Variants in MED27 observed in about 807,000 individuals in gnomAD.
The protein encoded by MED27 is mediator of RNA polymerase II transcription subunit 27.
A neutral mutation model predicts 38.2 loss-of-function variants in MED27; 30 were observed. The ratio of observed to expected loss-of-function variants is 0.79; its 90% CI spans 0.59 to 1.07. The LOEUF (loss-of-function observed/expected upper bound fraction) is 1.07. MED27 is among the 50% of genes least tolerant of loss of function. The pLI is 0.00. For missense variants in MED27, 289 were observed against 397.5 expected, an observed-to-expected ratio of 0.73 and a Z score of 2.32; for synonymous variants, 122 against 153.5, an observed-to-expected ratio of 0.79 and a Z score of 1.52.
At chr9:131,940,277 A>G (rs961567475) in intron 3 of MED27, among the ~76,000 whole-genome samples, 13 of 152,038 alleles carry the variant, frequency 8.6e-5, no homozygotes, top group Admixed American at 3.3e-4. Context: ...TTATATCACA[A>G]TTTTTACTTA....
rs200458371 is a variant in MED27 at position 131,893,895 on chromosome 9, T to G, written c.671A>C (p.Glu224Ala). 6.2e-7 allele frequency: 1 copy of G among 1,613,186 alleles called. No individual in the cohort carries two copies. Among genetic ancestry groups the G allele is most frequent in the African/African-American group, 1.3e-5 (1 of 74,924 alleles). The change falls in exon 5 of 8, where the codon GAA becomes GCA. Residue 224 changes from glutamate to alanine, a missense_variant. Glu to Ala is a moderately radical substitution (Grantham distance 107). Coordinates refer to ENST00000292035, the MANE Select transcript of MED27 (RefSeq NM_004269.4). ...VKGYNENVYT[E>A]DGKLDIWSKS... is the part of the protein sequence containing the mutation. ...CTGCACAATGCTTACCTTGCCATCT[T>G]CTGTGTAGACATTCTCGTTATATCC...
rs764928066 is a variant in MED27, at chr9:132,077,458, T to C, written c.332A>G (p.Tyr111Cys). Residue 111 changes from tyrosine to cysteine, a missense_variant, in exon 2 of 8, where the codon TAT (tyrosine) becomes TGT (cysteine). By Grantham distance (194) the Tyr-to-Cys change is radical. Coordinates refer to ENST00000292035, the MANE Select transcript of MED27 (RefSeq NM_004269.4). ...TPLYSQLLQA[Y>C]KWSNKLQYHA... ...CTCCCTTACCTTGTTTGACCACTTA[T>C]ATGCTTGAAGGAGTTGACTATAGAG... is the stretch of plus-strand genomic sequence containing the variant. 5 of 1,614,036 alleles carry C rather than the reference T, an allele frequency of 3.1e-6. No individual in the cohort carries two copies. Among genetic ancestry groups the C allele is most frequent in the South Asian group, 1.1e-5 (1 of 91,040 alleles).
rs190423103 is a variant in MED27 at position 131,861,307 on chromosome 9, C to T, written c.802-635G>A. Among the ~76,000 whole-genome samples the T allele has an allele frequency of 2.1e-3, 316 of 152,220 alleles. 5 individuals are homozygous for T. The highest frequency in any genetic ancestry group is 2.5e-4 in the Non-Finnish European group (17 of 68,020). On this transcript the variant is annotated intron_variant, in intron 7 of 7. Coordinates refer to ENST00000292035, the MANE Select transcript of MED27 (RefSeq NM_004269.4). The surrounding 1 kb of genome is among the most constrained non-coding windows in gnomAD (Gnocchi z 4.4). ...GGGCGTCATACATAAGGATGAGCCT[C>T]CCGTAACTCAATTCTCAAACACAAG...
chr9:132,029,704 C>T (rs1313851671), intron 2 of MED27, among the ~76,000 whole-genome samples: 1 of 152,056 alleles, frequency 6.6e-6, no homozygotes, highest in Non-Finnish European at 1.5e-5. Context: ...GAAGACAAGC[C>T]AAGAGTTTTC....
At chr9:131,923,555 T>A (rs1344908142) in intron 4 of MED27, among the ~76,000 whole-genome samples, 2 of 152,248 alleles carry the variant, frequency 1.3e-5, no homozygotes, top group African/African-American at 4.8e-5. Flanking sequence ...TTGAAATACA[T>A]TTCAATTTAC....
chr9:131,935,854 T>C (rs977550169), intron 4 of MED27, among the ~76,000 whole-genome samples: 1 of 151,918 alleles, frequency 6.6e-6, no homozygotes, highest in South Asian at 2.1e-4. Context: ...ATTTAAAAAT[T>C]TTAAGAAAAA....
chr9:132,077,491 T>G lies in MED27; in HGVS notation c.299A>C (p.Lys100Thr). Reference protein sequence around the residue: ...GLLSLDPVQDKTPLYSQLLQA... With the variant: ...GLLSLDPVQDTTPLYSQLLQA... Reference sequence around the variant, plus strand: ...AAGGAGTTGACTATAGAGAGGAGTTTTGTCCTGCACAGGATCCAGGCTTAA... The same window carrying G: ...AAGGAGTTGACTATAGAGAGGAGTTGTGTCCTGCACAGGATCCAGGCTTAA... Residue 100 changes from lysine to threonine, a missense_variant, in exon 2 of 8, where the codon AAA becomes ACA. Lys to Thr is a moderately conservative substitution (Grantham distance 78). Coordinates refer to ENST00000292035, the MANE Select transcript of MED27 (RefSeq NM_004269.4). 6.2e-7 allele frequency: 1 copy of G among 1,614,194 alleles called. No homozygotes were observed. The highest frequency in any genetic ancestry group is 1.7e-4 in the Middle Eastern group (1 of 6,060).
chr9:132,078,601 T>C (rs1834107980), intron 1 of MED27, among the ~76,000 whole-genome samples: 1 of 152,106 alleles, frequency 6.6e-6, no homozygotes, highest in Non-Finnish European at 1.5e-5. Context: ...AAGGCACCCA[T>C]CATTTGGCCA....
intron 3 of MED27, among the ~76,000 whole-genome samples, chr9:131,968,163 A>G (rs1401409549): frequency 6.6e-6 from 1 of 152,050 alleles, no homozygotes; most frequent in Non-Finnish European, 1.5e-5. Context: ...CTTAAGCTAA[A>G]AGATATTTAT....
chr9:131,906,673 T>G (rs1006660961), intron 4 of MED27, among the ~76,000 whole-genome samples: 1 of 152,212 alleles, frequency 6.6e-6, no homozygotes, highest in Non-Finnish European at 1.5e-5. Flanking sequence ...ATGGTGTTAC[T>G]GAAAAGGGAT....
chr9:131,904,539 C>A (rs7018480), intron 4 of MED27, among the ~76,000 whole-genome samples: 6 of 150,508 alleles, frequency 4.0e-5, no homozygotes, highest in African/African-American at 9.8e-5. Flanking sequence ...AAATAGAGAT[C>A]GGGGGGGAGC....
intron 4 of MED27, among the ~76,000 whole-genome samples, chr9:131,925,593 A>C (rs1305935921): frequency 6.6e-6 from 1 of 152,242 alleles, no homozygotes; most frequent in Non-Finnish European, 1.5e-5. Flanking sequence ...TTTAGTAAAA[A>C]ACACAAAATG....
chr9:131,974,131 T>C (rs1290161923), intron 3 of MED27, among the ~76,000 whole-genome samples: 3 of 152,226 alleles, frequency 2.0e-5, no homozygotes, highest in Admixed American at 6.5e-5. Flanking sequence ...TAGTGGAACA[T>C]AGTACCAGGG....
intron 2 of MED27, chr9:132,031,757 C>A (rs1832967919): frequency 1.3e-5 from 2 of 151,952 alleles, no homozygotes; most frequent in Non-Finnish European, 2.9e-5. Context: ...AAACTACGTA[C>A]TTATGTTCCT....
intron 4 of MED27, among the ~76,000 whole-genome samples, chr9:131,903,891 CTTTT>C (rs35837340): frequency 4.7e-5 from 6 of 126,710 alleles, no homozygotes; most frequent in South Asian, 2.5e-4. Context: ...CCACACACAG[CTTTT>C]TTTTTTTTTT....
intron 1 of MED27, among the ~76,000 whole-genome samples, chr9:132,078,335 G>A (rs1487167967): frequency 6.6e-6 from 1 of 152,056 alleles, no homozygotes; most frequent in Non-Finnish European, 1.5e-5. Context: ...GATTTAAGAA[G>A]GCAAAAGGAT....
intron 4 of MED27, among the ~76,000 whole-genome samples, chr9:131,931,175 G>A (rs1262236493): frequency 6.6e-6 from 1 of 152,078 alleles, no homozygotes; most frequent in Non-Finnish European, 1.5e-5. Flanking sequence ...AGCTCAGGGG[G>A]CGGAGGCTGC....
chr9:131,909,654 G>C (rs74311517), intron 4 of MED27, among the ~76,000 whole-genome samples: 3,742 of 152,280 alleles, frequency 0.025, 56 homozygotes, highest in Middle Eastern at 0.054. Flanking sequence ...TCAATATGTG[G>C]ACAAGGTCAC....
At chr9:131,951,441 G>A (rs1830994495) in intron 3 of MED27, among the ~76,000 whole-genome samples, 1 of 152,202 alleles carries the variant, frequency 6.6e-6, no homozygotes, top group Admixed American at 6.5e-5. Flanking sequence ...GCTCTCAACA[G>A]ACAACTGATA....
Sources: allele counts gnomAD v4.1 joint callset (sites outside exome capture counted in the v4.1 genomes callset), GRCh38; gene constraint gnomAD v4.1.1; non-coding constraint Gnocchi (gnomAD v3.1); transcripts MANE v1.5; gene names NCBI Gene and HGNC (gene_info 2026-07-23, HGNC 2026-07-21).